Variants in LRP2 observed in about 807,000 individuals in gnomAD.
The protein encoded by LRP2 is low-density lipoprotein receptor-related protein 2.
In LRP2, 172 loss-of-function variants were observed where a neutral mutation model predicts 531.0. The observed-to-expected ratio is 0.32, with a 90% CI of 0.29 to 0.37. The LOEUF (loss-of-function observed/expected upper bound fraction) is 0.37, where lower values mean the gene tolerates loss of function less well. Ranked by LOEUF, LRP2 falls within the 10% of genes least tolerant of loss-of-function variation. The pLI is 1.00. For missense variants in LRP2, 5,167 were observed against 5,868.3 expected (o/e 0.88, Z 3.90); for synonymous variants, 1,992 against 2,027.6 (o/e 0.98, Z 0.47).
chr2:169,192,451 G>A (rs1261576744), intron 47 of LRP2, among the ~76,000 whole-genome samples: 1 of 119,174 alleles, frequency 8.4e-6, no homozygotes, highest in East Asian at 2.7e-4. Context: ...GTATAGATGA[G>A]AAAACTGAAG....
Position 169,145,203 on chromosome 2 carries a change from C to T in LRP2, c.12988+544G>A, listed in dbSNP as rs116291524. On this transcript the variant is annotated intron_variant, in intron 70 of 78. Coordinates refer to ENST00000649046, the MANE Select transcript of LRP2 (RefSeq NM_004525.3). ...CTTCCCTTTGCCTTTCATCTTGCTC[C>T]ACACACTGCTGAAGGATAAATTAGC... Among the ~76,000 whole-genome samples, 227 of 152,276 alleles carry T rather than the reference C, an allele frequency of 1.5e-3. 1 individual carries two copies. Among genetic ancestry groups the T allele is most frequent in the Non-Finnish European group, 2.8e-3 (192 of 68,024 alleles).
At chr2:169,229,347 A>G (rs1000922836) in intron 31 of LRP2, among the ~76,000 whole-genome samples, 25 of 152,286 alleles carry the variant, frequency 1.6e-4, no homozygotes, top group South Asian at 4.1e-4. Flanking sequence ...TCAGTGTTGT[A>G]ATTGAACGAC....
chr2:169,196,560 C>G (rs555022010), intron 46 of LRP2, among the ~76,000 whole-genome samples: 1 of 152,302 alleles, frequency 6.6e-6, no homozygotes, highest in East Asian at 1.9e-4. Flanking sequence ...CTTTTAGGTC[C>G]TCTGACAGCT....
chr2:169,344,762 C>T (rs1685654017), intron 1 of LRP2, among the ~76,000 whole-genome samples: 1 of 152,144 alleles, frequency 6.6e-6, no homozygotes, highest in South Asian at 2.1e-4. Context: ...TTTCTACACC[C>T]ACCCCCAACT....
At chr2:169,232,556 A>G (rs1190259138) in intron 30 of LRP2, among the ~76,000 whole-genome samples, 1 of 152,206 alleles carries the variant, frequency 6.6e-6, no homozygotes, top group Admixed American at 6.5e-5. Flanking sequence ...AGAGAGAGAG[A>G]GAGGTTTCAG....
At chr2:169,157,560 G>C in intron 63 of LRP2, 58 bp from the exon 64 acceptor site, 1 of 1,599,898 alleles carries the variant, frequency 6.3e-7, no homozygotes, top group Non-Finnish European at 8.5e-7. Flanking sequence ...CAGTCAAGTG[G>C]TGTATCAAAA....
At chr2:169,141,324 C>G (rs1394139386) in intron 71 of LRP2, among the ~76,000 whole-genome samples, 1 of 152,182 alleles carries the variant, frequency 6.6e-6, no homozygotes, top group African/African-American at 2.4e-5. Flanking sequence ...CATCCCTCTT[C>G]CTCTGCCTTC....
chr2:169,282,329 T>G (rs1683724928), intron 10 of LRP2, among the ~76,000 whole-genome samples: 1 of 152,238 alleles, frequency 6.6e-6, no homozygotes, highest in African/African-American at 2.4e-5. Context: ...TTTGCAGATT[T>G]TCTCCATGAC....
At chr2:169,289,450 G>T (rs193121989) in intron 8 of LRP2, among the ~76,000 whole-genome samples, 1 of 152,116 alleles carries the variant, frequency 6.6e-6, no homozygotes, top group Admixed American at 6.5e-5. Context: ...TCAGCACTTT[G>T]GGAGGCCAAG....
At chr2:169,129,190 C>T (rs771816924) in intron 77 of LRP2, 106 bp from the exon 78 acceptor site, 5 of 824,184 alleles carry the variant, frequency 6.1e-6, no homozygotes, top group Non-Finnish European at 1.1e-5. Context: ...AAGGGTAAAG[C>T]AATTTGGGAC....
At chr2:169,347,724 A>G (rs1685732580) in intron 1 of LRP2, among the ~76,000 whole-genome samples, 1 of 152,158 alleles carries the variant, frequency 6.6e-6, no homozygotes, top group Non-Finnish European at 1.5e-5. Flanking sequence ...GTTCAATAGT[A>G]AGTTGTTTTG....
chr2:169,294,099 A>G, intron 6 of LRP2, 49 bp downstream of exon 6: 2 of 1,369,724 alleles, frequency 1.5e-6, no homozygotes, highest in Non-Finnish European at 2.1e-6. Context: ...AACCGAAACA[A>G]AACAAAACAC....
At chr2:169,181,681 C>T (rs1334769198) in intron 51 of LRP2, 63 bp from the exon 52 acceptor site, 5 of 1,425,476 alleles carry the variant, frequency 3.5e-6, no homozygotes, top group Middle Eastern at 2.0e-4. Flanking sequence ...CCAAAATACA[C>T]ACCTTTTCTC....
At chr2:169,306,931 A>G (rs770222650) in intron 4 of LRP2, among the ~76,000 whole-genome samples, 42 of 152,232 alleles carry the variant, frequency 2.8e-4, no homozygotes, top group South Asian at 6.2e-4. Context: ...AATTTGACCT[A>G]GAAACTTACT....
At chr2:169,138,826 A>G (rs1685614854) in intron 74 of LRP2, 120 bp from the exon 75 acceptor site, 1 of 1,131,274 alleles carries the variant, frequency 8.8e-7, no homozygotes, top group South Asian at 1.4e-5. Context: ...CTCAAATGTA[A>G]TGCTCAATTC....
intron 33 of LRP2, among the ~76,000 whole-genome samples, chr2:169,224,014 T>A (rs2268366): frequency 0.34 from 51,468 of 151,918 alleles, 8,998 homozygotes; most frequent in South Asian, 0.6. Context: ...TCTGCACTCA[T>A]CCATGGGGGA....
At position 169,142,801 on chromosome 2, in the gene LRP2, G is replaced by T. The variant is rs1431803753; in HGVS notation, c.12989-8C>A. ...GTTTGCAAAGGTTGGGCACTGGAAA[G>T]CGGGTGAGAACAGCAGTTAGGTCCT... On this transcript the variant is annotated splice_polypyrimidine_tract_variant and splice_region_variant and intron_variant, in intron 70 of 78. Coordinates refer to ENST00000649046, the MANE Select transcript of LRP2 (RefSeq NM_004525.3). The T allele has an allele frequency of 3.7e-6, 6 of 1,613,734 alleles. No homozygotes were observed. The highest frequency in any genetic ancestry group is 4.2e-6 in the Non-Finnish European group (5 of 1,179,802).
rs577893138 is a variant in LRP2 at position 169,192,219 on chromosome 2, G to T, written c.8831-186C>A. Among the ~76,000 whole-genome samples, 3 of 152,176 alleles carry T rather than the reference G, an allele frequency of 2.0e-5. No individual in the cohort carries two copies. In the South Asian group the frequency reaches 6.2e-4, roughly 32 times the overall value. Reference sequence around the variant, plus strand: ...TACCTCCAAAGATTCCATTTTAATTGCTTTGGACCCTGGCTTTTTCAAAGA... The same window carrying T: ...TACCTCCAAAGATTCCATTTTAATTTCTTTGGACCCTGGCTTTTTCAAAGA... On this transcript the variant is annotated intron_variant, in intron 47 of 78. Coordinates refer to ENST00000649046, the MANE Select transcript of LRP2 (RefSeq NM_004525.3).
intron 1 of LRP2, among the ~76,000 whole-genome samples, chr2:169,338,609 A>G (rs1400164417): frequency 6.6e-6 from 1 of 152,234 alleles, no homozygotes; most frequent in Non-Finnish European, 1.5e-5. Context: ...AACTACTGTT[A>G]CATATGAAAT....
Sources: gnomAD v4.1 joint callset for allele counts (sites outside exome capture counted in the v4.1 genomes callset) on GRCh38, gnomAD v4.1.1 for gene constraint, MANE v1.5 for transcripts, NCBI Gene and HGNC (gene_info 2026-07-23, HGNC 2026-07-21) for gene names.